Variants in UNC13B observed in about 807,000 individuals in gnomAD.
UNC13B encodes protein unc-13 homolog B.
A neutral mutation model predicts 211.0 loss-of-function variants in UNC13B; 144 were observed. That is an observed-to-expected ratio of 0.68 (90% CI 0.60 to 0.78). UNC13B has a LOEUF of 0.78. Ranked by LOEUF, UNC13B falls within the 30% of genes least tolerant of loss-of-function variation. The pLI, the probability that UNC13B is intolerant of heterozygous loss-of-function variation, is 0.00. For synonymous variants in UNC13B, 709 were observed against 725.8 expected, an observed-to-expected ratio of 0.98 and a Z score of 0.37; for missense variants, 1,777 against 2,002.0, an observed-to-expected ratio of 0.89 and a Z score of 2.14.
chr9:35,206,426 C>G (rs1823647775), intron 1 of UNC13B, among the ~76,000 whole-genome samples: 1 of 152,108 alleles, frequency 6.6e-6, no homozygotes, highest in Admixed American at 6.5e-5. Context: ...TCTTCTGTCT[C>G]TATGGATTTT....
chr9:35,209,055 CTTTG>C (rs1030271023), intron 1 of UNC13B, among the ~76,000 whole-genome samples: 5 of 152,098 alleles, frequency 3.3e-5, no homozygotes, highest in South Asian at 2.1e-4. Flanking sequence ...TTCCTTTCCA[CTTTG>C]TTTGTTTGTT....
chr9:35,198,932 A>T (rs1338155883), intron 1 of UNC13B, among the ~76,000 whole-genome samples: 1 of 152,136 alleles, frequency 6.6e-6, no homozygotes, highest in Non-Finnish European at 1.5e-5. Flanking sequence ...ACATATGTAT[A>T]CATGTGCCAT....
intron 11 of UNC13B, chr9:35,352,959 G>T: frequency 8.1e-7 from 1 of 1,232,172 alleles, no homozygotes; most frequent in Non-Finnish European, 1.0e-6. Context: ...TCATTGTCTG[G>T]GTTACTGAAG....
At position 35,203,600 on chromosome 9, in the gene UNC13B, C is replaced by A. The variant is rs188226061; in HGVS notation, c.23-24415C>A. Among the ~76,000 whole-genome samples, 60 of 152,244 alleles carry A rather than the reference C, an allele frequency of 3.9e-4. 1 individual carries two copies. The highest frequency in any genetic ancestry group is 8.2e-4 in the Non-Finnish European group (56 of 68,020). Reference sequence around the variant, plus strand: ...CTGGCTCCCTTAACATTTTTTCCTTCATTTCAACAGGATCTGTGGAAATTT... The same window carrying A: ...CTGGCTCCCTTAACATTTTTTCCTTAATTTCAACAGGATCTGTGGAAATTT... On this transcript the variant is annotated intron_variant, in intron 1 of 39. Coordinates refer to ENST00000635942, the MANE Select transcript of UNC13B (RefSeq NM_001371189.2).
At chr9:35,357,834 A>G (rs1208250622) in intron 11 of UNC13B, among the ~76,000 whole-genome samples, 1 of 152,254 alleles carries the variant, frequency 6.6e-6, no homozygotes, top group African/African-American at 2.4e-5. Context: ...ATTTAAAAAT[A>G]TATAGTTCCA....
In UNC13B at chr9:35,398,884, T is replaced by A. The variant is rs533204933; in HGVS notation, c.11924T>A (p.Phe3975Tyr). The A allele has an allele frequency of 6.2e-7, 1 of 1,613,364 alleles. No individual in the cohort carries two copies. Among genetic ancestry groups the A allele is most frequent in the Non-Finnish European group, 8.5e-7 (1 of 1,179,614 alleles). Reference protein sequence around the residue: ...DELSMVFGNSFQVRIDECVRQ... With the variant: ...DELSMVFGNSYQVRIDECVRQ... ...CTACACTGCGGGCACATGTGTAGTTTCCAGGTACGGATTGATGAGTGTGTT... is the reference window on the plus strand; with the variant it reads ...CTACACTGCGGGCACATGTGTAGTTACCAGGTACGGATTGATGAGTGTGTT... Residue 3975 changes from phenylalanine (F) to tyrosine (Y), a missense_variant and splice_region_variant, in exon 33 of 40, where the codon TTC (phenylalanine) becomes TAC (tyrosine). Transcript: ENST00000635942.
rs189285309 is a variant in UNC13B at position 35,352,587 on chromosome 9, C to A, written c.9415-14360C>A. On this transcript the variant is annotated intron_variant, in intron 11 of 39. Transcript: ENST00000635942. ...GGGGACAGGGGACCCATAACAGGAACATATCAGATGAAGGCTCAGGATCAA... is the reference window on the plus strand; with the variant it reads ...GGGGACAGGGGACCCATAACAGGAAAATATCAGATGAAGGCTCAGGATCAA... 40 of 1,232,176 alleles carry A rather than the reference C, an allele frequency of 3.2e-5. No homozygotes were observed. In the Admixed American group the frequency reaches 1.3e-3, roughly 42 times the overall value. 76.3% of individuals were successfully genotyped at this position (1,232,176 alleles called of 1,614,324 possible).
chr9:35,299,211 A>G (rs1471417127), intron 8 of UNC13B, among the ~76,000 whole-genome samples: 1 of 152,170 alleles, frequency 6.6e-6, no homozygotes, highest in Non-Finnish European at 1.5e-5. Context: ...CAGCCTGGGC[A>G]ACAAGAGCAA....
intron 6 of UNC13B, among the ~76,000 whole-genome samples, chr9:35,253,430 C>G (rs962848330): frequency 1.3e-5 from 2 of 151,224 alleles, no homozygotes; most frequent in Non-Finnish European, 2.9e-5. Flanking sequence ...TTTTTCTCTT[C>G]TCTTTTTCTA....
intron 4 of UNC13B, among the ~76,000 whole-genome samples, chr9:35,237,138 G>C (rs970624869): frequency 1.3e-5 from 2 of 152,122 alleles, no homozygotes; most frequent in Non-Finnish European, 2.9e-5. Flanking sequence ...TCCTAGACTA[G>C]ACCATAACTC....
intron 7 of UNC13B, among the ~76,000 whole-genome samples, chr9:35,270,881 C>T (rs1827838496): frequency 6.6e-6 from 1 of 152,182 alleles, no homozygotes; most frequent in Admixed American, 6.5e-5. Context: ...TGGCTCATGC[C>T]TGTAATCCCA....
chr9:35,377,648 G>T lies in UNC13B; in HGVS notation c.10016G>T (p.Ser3339Ile). The T allele has an allele frequency of 1.9e-6, 3 of 1,614,198 alleles. No homozygotes were observed. The highest frequency in any genetic ancestry group is 2.2e-5 in the South Asian group (2 of 91,084). ...HVQQMKTVKQ[S>I]VLDGTSKWSA... ...CAGCAGATGAAAACAGTGAAGCAGA[G>T]TGTACTGGATGGCACCTCCAAATGG... is the stretch of plus-strand genomic sequence containing the variant. Residue 3339 changes from serine to isoleucine, a missense_variant, in exon 16 of 40, where the codon AGT becomes ATT. Physicochemically the swap from Ser to Ile is moderately radical, Grantham distance 142 (BLOSUM62 -2). Transcript: ENST00000635942.
intron 3 of UNC13B, among the ~76,000 whole-genome samples, chr9:35,232,344 G>A (rs1825265839): frequency 6.6e-6 from 1 of 150,932 alleles, no homozygotes; most frequent in Non-Finnish European, 1.5e-5. Context: ...TCACACCTTG[G>A]CTAATGTTTT....
At chr9:35,383,559 C>T (rs1834994301) in intron 21 of UNC13B, among the ~76,000 whole-genome samples, 1 of 152,160 alleles carries the variant, frequency 6.6e-6, no homozygotes, top group Admixed American at 6.5e-5. Flanking sequence ...ACTTAATCAA[C>T]ATCTACTCAT....
chr9:35,280,415 T>C (rs1294547160), intron 7 of UNC13B, among the ~76,000 whole-genome samples: 9 of 152,122 alleles, frequency 5.9e-5, no homozygotes, highest in South Asian at 2.1e-4. Context: ...CCTTATCCCA[T>C]TGGGGAGTGG....
rs989767686 is a variant in UNC13B, at chr9:35,326,727, C to T, written c.9414+12738C>T. Among the ~76,000 whole-genome samples, 4 of 152,160 alleles carry T rather than the reference C, an allele frequency of 2.6e-5. No homozygotes were observed. The East Asian group carries it at 7.7e-4, about 29-fold the overall frequency. ...TAAATTAGGCACAGTAAGAGATTAA[C>T]AACATAATAAAATAAAACAATTATA... On this transcript the variant is annotated intron_variant, in intron 11 of 39. Coordinates refer to ENST00000635942, the MANE Select transcript of UNC13B (RefSeq NM_001371189.2).
chr9:35,260,732 G>A (rs755103906), intron 7 of UNC13B, among the ~76,000 whole-genome samples: 1 of 152,114 alleles, frequency 6.6e-6, no homozygotes, highest in Non-Finnish European at 1.5e-5. Context: ...TAGGAGGTCA[G>A]AAGAATCTGA....
Position 35,305,244 on chromosome 9 carries a change from C to T in UNC13B, c.5840C>T (p.Thr1947Ile), listed in dbSNP as rs183044685. ...TCTGGATTTTTGAATCTTTTTAAGACTCAGGTGAATAAAGAAGGATCACCA... is the reference window on the plus strand; with the variant it reads ...TCTGGATTTTTGAATCTTTTTAAGATTCAGGTGAATAAAGAAGGATCACCA... The part of the protein sequence containing the change: ...QSSGFLNLFK[T>I]QVNKEGSPNL... Residue 1947 changes from threonine (T) to isoleucine (I), a missense_variant, in exon 9 of 40, where the codon ACT becomes ATT. Thr to Ile is a moderately conservative substitution (Grantham distance 89). Transcript: ENST00000635942. The T allele has an allele frequency of 9.3e-3, 3,715 of 398,876 alleles. 47 individuals carry two copies. Among genetic ancestry groups the T allele is most frequent in the Non-Finnish European group, 9.7e-3 (2,183 of 225,972 alleles). 24.7% of individuals were successfully genotyped at this position (398,876 alleles called of 1,614,324 possible).
chr9:35,246,198 G>T (rs1826089808), intron 6 of UNC13B, among the ~76,000 whole-genome samples: 2 of 148,574 alleles, frequency 1.3e-5, no homozygotes, highest in South Asian at 4.3e-4. Context: ...TGATGGGGTT[G>T]TTTTTTTTTT....
Sources: allele counts gnomAD v4.1 joint callset (sites outside exome capture counted in the v4.1 genomes callset), GRCh38; gene constraint gnomAD v4.1.1; transcripts MANE v1.5; gene names NCBI Gene and HGNC (gene_info 2026-07-23, HGNC 2026-07-21).